TRPM3: variants seen among roughly 807,000 people sequenced by gnomAD.
TRPM3 encodes the protein long transient receptor potential channel 3.
A neutral mutation model predicts 181.2 loss-of-function variants in TRPM3; 77 were observed. The observed-to-expected ratio is 0.42, with a 90% confidence interval of 0.35 to 0.51. The LOEUF is 0.51. Ranked by LOEUF, TRPM3 falls within the 20% of genes least tolerant of loss-of-function variation. TRPM3 has a pLI of 0.01. For synonymous variants in TRPM3, 745 were observed against 796.4 expected (o/e 0.94, Z 1.09); for missense variants, 1,759 against 2,196.7 (o/e 0.80, Z 3.98).
chr9:71,013,088 A>C (rs992536039), intron 1 of TRPM3, among the ~76,000 whole-genome samples: 1 of 152,112 alleles, frequency 6.6e-6, no homozygotes, highest in African/African-American at 2.4e-5. Flanking sequence ...AGGTCTATAC[A>C]TGAGAGAGAG....
intron 1 of TRPM3, among the ~76,000 whole-genome samples, chr9:70,965,590 G>T (rs1210753026): frequency 6.6e-6 from 1 of 151,974 alleles, no homozygotes; most frequent in Non-Finnish European, 1.5e-5. Context: ...TTATTGATTT[G>T]TGTATGTTGA....
At chr9:70,627,103 T>TG (rs2064781496) in intron 12 of TRPM3, among the ~76,000 whole-genome samples, 1 of 28,698 alleles carries the variant, frequency 3.5e-5, no homozygotes, top group Non-Finnish European at 9.2e-5. Flanking sequence ...AGCCACAATC[T>TG]TGTTAGTCAT....
At chr9:70,989,187 A>G (rs2097452150) in intron 1 of TRPM3, among the ~76,000 whole-genome samples, 1 of 152,214 alleles carries the variant, frequency 6.6e-6, no homozygotes, top group Admixed American at 6.5e-5. Context: ...CTTTAAAAAG[A>G]TGATATTCTT....
intron 1 of TRPM3, among the ~76,000 whole-genome samples, chr9:71,247,244 C>G (rs189389307): frequency 1.8e-4 from 27 of 149,802 alleles, no homozygotes; most frequent in Admixed American, 6.1e-4. Context: ...ATCCCAGTTA[C>G]TCAGGAGATT....
intron 1 of TRPM3, among the ~76,000 whole-genome samples, chr9:71,127,285 T>C (rs2074095889): frequency 1.7e-5 from 1 of 57,356 alleles, no homozygotes; most frequent in South Asian, 6.3e-4. Context: ...AAGTAATAGC[T>C]GACCAAAACA....
chr9:71,164,949 G>T (rs1389640902), intron 1 of TRPM3, among the ~76,000 whole-genome samples: 2 of 152,146 alleles, frequency 1.3e-5, no homozygotes, highest in Non-Finnish European at 2.9e-5. Flanking sequence ...AAAGTTTCAT[G>T]CATGGAAAAT....
At chr9:70,541,906 C>T (rs188042818) in intron 25 of TRPM3, among the ~76,000 whole-genome samples, 232 of 152,244 alleles carry the variant, frequency 1.5e-3, no homozygotes, top group African/African-American at 4.9e-3. Context: ...ATGGATCACT[C>T]GAGCCCAGGA....
chr9:70,945,354 C>G (rs2096922673), intron 1 of TRPM3, among the ~76,000 whole-genome samples: 1 of 152,060 alleles, frequency 6.6e-6, no homozygotes, highest in East Asian at 1.9e-4. Flanking sequence ...TCCAGTGAAC[C>G]CAGAACAGTA....
chr9:70,666,230 G>A (rs986788460), intron 9 of TRPM3, among the ~76,000 whole-genome samples: 1 of 152,238 alleles, frequency 6.6e-6, no homozygotes, highest in Admixed American at 6.5e-5. Flanking sequence ...AGCAAGGTCT[G>A]CCAGCTCTTG....
At chr9:70,892,481 A>G (rs2096221365) in intron 1 of TRPM3, among the ~76,000 whole-genome samples, 1 of 152,116 alleles carries the variant, frequency 6.6e-6, no homozygotes, top group Admixed American at 6.5e-5. Flanking sequence ...TTATCTTGAA[A>G]GAATAATGTG....
At chr9:71,073,683 C>T (rs2063077796) in intron 1 of TRPM3, among the ~76,000 whole-genome samples, 1 of 151,894 alleles carries the variant, frequency 6.6e-6, no homozygotes, top group Non-Finnish European at 1.5e-5. Context: ...TTATTTCTTG[C>T]ATTGCGTAAT....
chr9:71,365,637 T>C (rs1228620650), intron 1 of TRPM3, among the ~76,000 whole-genome samples: 1 of 152,146 alleles, frequency 6.6e-6, no homozygotes, highest in Non-Finnish European at 1.5e-5. Flanking sequence ...CTCCTTATTA[T>C]ATTGGGGTTG....
At chr9:70,828,940 A>C (rs1404502822) in intron 5 of TRPM3, among the ~76,000 whole-genome samples, 2 of 152,076 alleles carry the variant, frequency 1.3e-5, no homozygotes, top group African/African-American at 4.8e-5. Context: ...TTTCTTTCCC[A>C]TACTGCTTAG....
chr9:71,349,636 C>T (rs2091488560), intron 1 of TRPM3, among the ~76,000 whole-genome samples: 1 of 152,278 alleles, frequency 6.6e-6, no homozygotes, highest in Non-Finnish European at 1.5e-5. Flanking sequence ...AATGCTCTTT[C>T]ATAGGTCCAT....
intron 1 of TRPM3, among the ~76,000 whole-genome samples, chr9:71,098,370 A>C (rs2067682528): frequency 6.6e-6 from 1 of 152,110 alleles, no homozygotes; most frequent in Admixed American, 6.6e-5. Flanking sequence ...ACTTGAAGAG[A>C]GGTAAAGGAG....
intron 1 of TRPM3, among the ~76,000 whole-genome samples, chr9:71,218,660 A>AT (rs2131838338): frequency 6.6e-6 from 1 of 152,302 alleles, no homozygotes; most frequent in Non-Finnish European, 1.5e-5. Flanking sequence ...CACATAACAC[A>AT]TTTATTGACT....
chr9:71,164,352 T>C (rs1402415837), intron 1 of TRPM3, among the ~76,000 whole-genome samples: 1 of 152,198 alleles, frequency 6.6e-6, no homozygotes, highest in Non-Finnish European at 1.5e-5. Flanking sequence ...GTTTTCTCTT[T>C]TTTCTCTACA....
intron 1 of TRPM3, among the ~76,000 whole-genome samples, chr9:71,429,641 T>C (rs1431620928): frequency 6.6e-6 from 1 of 152,210 alleles, no homozygotes; most frequent in Non-Finnish European, 1.5e-5. Flanking sequence ...ACGGTTCTGT[T>C]TGTGATTTCC....
In TRPM3 at chr9:70,819,789, T is replaced by C. The variant is rs188868312; in HGVS notation, c.973+8058A>G. 1.0e-3 allele frequency among the ~76,000 whole-genome samples: 157 copies of C among 152,324 alleles called. 1 individual carries two copies. Among genetic ancestry groups the C allele is most frequent in the Middle Eastern group, 3.4e-3 (1 of 294 alleles). ...TCTAGCCTCATAATGAAATTTCCTA[T>C]ACCCAAGGTTGATGTTCACAATATA... On this transcript the variant is annotated intron_variant, in intron 6 of 25. Coordinates refer to ENST00000677713, the MANE Select transcript of TRPM3 (RefSeq NM_001366145.2).
Sources: gnomAD v4.1 joint callset for allele counts (sites outside exome capture counted in the v4.1 genomes callset) on GRCh38, gnomAD v4.1.1 for gene constraint, MANE v1.5 for transcripts, NCBI Gene and HGNC (gene_info 2026-07-23, HGNC 2026-07-21) for gene names.